The following KHDRBS2 variants were observed in gnomAD, a reference collection of about 807,000 sequenced individuals.
KHDRBS2 encodes the protein KH RNA binding domain containing, signal transduction associated 2.
A neutral mutation model predicts 44.3 loss-of-function variants in KHDRBS2; 26 were observed. The ratio of observed to expected loss-of-function variants is 0.59; its 90% confidence interval spans 0.43 to 0.81. The LOEUF is 0.81. Among genes scored for constraint, KHDRBS2 ranks in the 40% least tolerant of loss-of-function variants. The pLI, the probability that KHDRBS2 is intolerant of heterozygous loss-of-function variation, is 0.00. For missense variants in KHDRBS2, 476 were observed against 433.1 expected (o/e 1.10, Z -0.88); for synonymous variants, 194 against 151.1 (o/e 1.28, Z -2.08).
chr6:62,224,615 T>C lies in KHDRBS2; in HGVS notation c.92-47303A>G, dbSNP rs116234414. Among the ~76,000 whole-genome samples, 710 of 152,298 alleles carry C rather than the reference T, an allele frequency of 4.7e-3. 8 individuals are homozygous for C. Among genetic ancestry groups the C allele is most frequent in the African/African-American group, 0.016 (674 of 41,562 alleles). On this transcript the variant is annotated intron_variant, in intron 1 of 8. Transcript: ENST00000281156. ...CAAGAATTATTTTGGCATACACAAT[T>C]TTCTCCCTATATACTTTAGAATTTC...
chr6:61,896,349 T>C (rs75345789), intron 5 of KHDRBS2, among the ~76,000 whole-genome samples: 1 of 152,222 alleles, frequency 6.6e-6, no homozygotes. Context: ...TGAATAGTCA[T>C]GGGTAAGTAT....
chr6:62,222,245 T>TGA (rs570651605), intron 1 of KHDRBS2, among the ~76,000 whole-genome samples: 166 of 146,496 alleles, frequency 1.1e-3, no homozygotes, highest in African/African-American at 3.9e-3. Context: ...ACAGAGAGAA[T>TGA]GAGAGAGAGA....
At chr6:62,080,700 C>T (rs944299983) in intron 2 of KHDRBS2, among the ~76,000 whole-genome samples, 1 of 152,058 alleles carries the variant, frequency 6.6e-6, no homozygotes, top group Admixed American at 6.6e-5. Context: ...GCTCTGTGTC[C>T]TGAGCTTCTC....
chr6:61,722,705 A>T (rs1021382835), intron 7 of KHDRBS2, among the ~76,000 whole-genome samples: 4 of 144,358 alleles, frequency 2.8e-5, no homozygotes, highest in Non-Finnish European at 6.1e-5. Flanking sequence ...GATTCTAATT[A>T]TATATTTCTA....
chr6:62,069,233 G>A (rs377144207), intron 2 of KHDRBS2, among the ~76,000 whole-genome samples: 5 of 151,574 alleles, frequency 3.3e-5, no homozygotes, highest in Non-Finnish European at 7.4e-5. Flanking sequence ...CTCATACTTT[G>A]TATATCATAT....
chr6:61,558,111 T>C, the KHDRBS2 span, among the ~76,000 whole-genome samples: 4 of 152,328 alleles, frequency 2.6e-5, no homozygotes, highest in East Asian at 5.8e-4. Flanking sequence ...TTGTTTCCTT[T>C]ATTTCAATTT....
the KHDRBS2 span, among the ~76,000 whole-genome samples, chr6:61,578,452 G>C: frequency 6.6e-6 from 1 of 152,148 alleles, no homozygotes; most frequent in Admixed American, 6.6e-5. Flanking sequence ...AATGAATTTT[G>C]CAAGTCTCTA....
rs145274886 is a variant in KHDRBS2 at position 62,117,483 on chromosome 6, T to A, written c.219+59702A>T. ...TTTTTGCTATTGATGTCGTTTGAGT[T>A]CCTTAAGTATTTTGGTTGTTATTTT... On this transcript the variant is annotated intron_variant, in intron 2 of 8. Transcript: ENST00000281156. Among the ~76,000 whole-genome samples, 228 of 152,288 alleles carry A rather than the reference T, an allele frequency of 1.5e-3. 2 individuals carry two copies. In the South Asian group the frequency reaches 0.017, roughly 11 times the overall value.
chr6:62,073,387 C>G lies in KHDRBS2; in HGVS notation c.220-25393G>C, dbSNP rs185782917. ...TTCTTTCATAAACCTTTTTACTTCT[C>G]AAAGGTTACTACTAATGTCCCAGTT... On this transcript the variant is annotated intron_variant, in intron 2 of 8. Transcript: ENST00000281156. 2.3e-3 allele frequency among the ~76,000 whole-genome samples: 349 copies of G among 151,680 alleles called. 1 individual carries two copies. The highest frequency in any genetic ancestry group is 7.7e-3 in the African/African-American group (319 of 41,470).
chr6:62,247,324 C>T (rs1174319861), intron 1 of KHDRBS2, among the ~76,000 whole-genome samples: 1 of 151,232 alleles, frequency 6.6e-6, no homozygotes, highest in African/African-American at 2.4e-5. Context: ...TAGGTTGATG[C>T]AAAAGTAAGT....
At chr6:61,831,245 A>G (rs150348775) in intron 6 of KHDRBS2, among the ~76,000 whole-genome samples, 1 of 152,218 alleles carries the variant, frequency 6.6e-6, no homozygotes, top group Admixed American at 6.5e-5. Flanking sequence ...CTTATTGTTA[A>G]TGTCTTATTA....
chr6:61,632,023 A>G, the KHDRBS2 span, among the ~76,000 whole-genome samples: 2 of 152,200 alleles, frequency 1.3e-5, no homozygotes, highest in African/African-American at 4.8e-5. Context: ...ACAAGGTAAA[A>G]GTTGGTTTCT....
intron 7 of KHDRBS2, among the ~76,000 whole-genome samples, chr6:61,702,514 A>C (rs1156640291): frequency 6.6e-6 from 1 of 152,008 alleles, no homozygotes; most frequent in South Asian, 2.1e-4. Flanking sequence ...AATTAATACA[A>C]TCCCCTGAAG....
At chr6:61,786,450 T>C (rs1783823715) in intron 6 of KHDRBS2, among the ~76,000 whole-genome samples, 1 of 152,008 alleles carries the variant, frequency 6.6e-6, no homozygotes, top group Non-Finnish European at 1.5e-5. Flanking sequence ...TAAAATACTT[T>C]TGAAAATTAA....
intron 4 of KHDRBS2, among the ~76,000 whole-genome samples, chr6:61,903,892 G>A (rs570841602): frequency 6.6e-6 from 1 of 152,136 alleles, no homozygotes; most frequent in Admixed American, 6.5e-5. Flanking sequence ...ATAACAGTGA[G>A]GATTGAATCT....
chr6:62,185,841 G>C (rs1177307577), intron 1 of KHDRBS2, among the ~76,000 whole-genome samples: 2 of 151,982 alleles, frequency 1.3e-5, no homozygotes, highest in Non-Finnish European at 2.9e-5. Flanking sequence ...GAGTTGTACA[G>C]AGTAACTCAG....
chr6:61,737,842 T>G (rs1775612322), intron 6 of KHDRBS2, among the ~76,000 whole-genome samples: 1 of 151,968 alleles, frequency 6.6e-6, no homozygotes, highest in Non-Finnish European at 1.5e-5. Context: ...CAGTTTTTAT[T>G]AAGACCAATA....
At chr6:61,714,140 A>C (rs1445158194) in intron 7 of KHDRBS2, among the ~76,000 whole-genome samples, 7 of 148,752 alleles carry the variant, frequency 4.7e-5, no homozygotes, top group Admixed American at 2.6e-4. Flanking sequence ...TTTTAAAACT[A>C]TTCATTTAAC....
chr6:61,935,797 G>C (rs1008475487), intron 4 of KHDRBS2, among the ~76,000 whole-genome samples: 4 of 152,076 alleles, frequency 2.6e-5, no homozygotes, highest in African/African-American at 4.8e-5. Flanking sequence ...GTCAAAGATG[G>C]AGATAAATTG....
Sources: gnomAD v4.1 joint callset for allele counts (sites outside exome capture counted in the v4.1 genomes callset) on GRCh38, gnomAD v4.1.1 for gene constraint, MANE v1.5 for transcripts, NCBI Gene and HGNC (gene_info 2026-07-23, HGNC 2026-07-21) for gene names.